BMPR2: variants seen among roughly 807,000 people sequenced by gnomAD.
BMPR2 encodes bone morphogenetic protein receptor type-2.
BMPR2 carries 29 observed loss-of-function variants against 100.8 expected under a neutral mutation model. That is an observed-to-expected ratio of 0.29 (90% confidence interval 0.21 to 0.39). The LOEUF (loss-of-function observed/expected upper bound fraction) is 0.39. BMPR2 is among the 10% of genes least tolerant of loss of function. The pLI, the probability that BMPR2 is intolerant of heterozygous loss-of-function variation, is 1.00. For missense variants in BMPR2, 1,011 were observed against 1,274.5 expected, an observed-to-expected ratio of 0.79 and a Z score of 3.15; for synonymous variants, 382 against 442.3, an observed-to-expected ratio of 0.86 and a Z score of 1.71.
chr2:202,535,245 A>C lies in BMPR2; in HGVS notation c.1276+2513A>C, dbSNP rs990850136. On this transcript the variant is annotated intron_variant, in intron 9 of 12. Transcript: ENST00000374580. ...CGGGCGGAGACACTCCTCACTTCCC[A>C]GACGGAGCGGCTGCTGGGCGGAGAG... Among the ~76,000 whole-genome samples, 10 of 150,642 alleles carry C rather than the reference A, an allele frequency of 6.6e-5. 1 individual carries two copies.
intron 3 of BMPR2, among the ~76,000 whole-genome samples, chr2:202,504,415 A>C (rs1274834393): frequency 6.6e-6 from 1 of 152,060 alleles, no homozygotes. Context: ...AAGAGCTGTA[A>C]CACTCACCGC....
At chr2:202,467,397 C>CA in intron 2 of BMPR2, 122 bp from the exon 3 acceptor site, 1 of 869,300 alleles carries the variant, frequency 1.2e-6, no homozygotes, top group Middle Eastern at 2.5e-4. Context: ...TGTTGATTTG[C>CA]AAAACTGTTT....
intron 1 of BMPR2, among the ~76,000 whole-genome samples, chr2:202,428,322 C>G (rs945900565): frequency 2.0e-5 from 3 of 152,036 alleles, no homozygotes; most frequent in Non-Finnish European, 1.5e-5. Flanking sequence ...TTCTCTCTCT[C>G]TACACACTGC....
At chr2:202,401,588 C>T (rs1278930218) in intron 1 of BMPR2, among the ~76,000 whole-genome samples, 2 of 152,110 alleles carry the variant, frequency 1.3e-5, no homozygotes, top group Admixed American at 6.6e-5. Context: ...TAGTCTTTTA[C>T]TTGGTATAAG....
chr2:202,441,717 C>CAAA lies in BMPR2; in HGVS notation c.77-23071_77-23069dup, dbSNP rs33963123. Among the ~76,000 whole-genome samples the CAAA allele has an allele frequency of 5.4e-3, 237 of 43,892 alleles. 3 individuals are homozygous for CAAA. Among genetic ancestry groups the CAAA allele is most frequent in the East Asian group, 8.3e-3 (11 of 1,330 alleles). 28.8% of individuals were successfully genotyped at this position (43,892 alleles called of 152,430 possible). On this transcript the variant is annotated intron_variant, in intron 1 of 12. Transcript: ENST00000374580. ...TGGGCGACAGAGCAAGACTCCGTCT[C>CAAA]AAAAAAAAAAAAAAAAAAAAAAATT...
intron 6 of BMPR2, 47 bp downstream of exon 6, chr2:202,519,099 T>G (rs1687774576): frequency 6.3e-7 from 1 of 1,580,272 alleles, no homozygotes; most frequent in Non-Finnish European, 8.7e-7. Flanking sequence ...TGGTGGCTTA[T>G]GCCTGTAATC....
chr2:202,493,301 T>C (rs1692946769), intron 3 of BMPR2, among the ~76,000 whole-genome samples: 1 of 151,452 alleles, frequency 6.6e-6, no homozygotes, highest in African/African-American at 2.4e-5. Flanking sequence ...CATTAAATAC[T>C]TTTTTTTTAA....
In BMPR2 at chr2:202,553,060, T is replaced by A. The variant is rs17199228; in HGVS notation, c.1586+172T>A. On this transcript the variant is annotated intron_variant, in intron 11 of 12. Coordinates refer to ENST00000374580, the MANE Select transcript of BMPR2 (RefSeq NM_001204.7). ...CTATTCTTCTATTGAACATTTTTGTTTGGTACAAGTGCAAGATGAAATCTG... is the reference window on the plus strand; with the variant it reads ...CTATTCTTCTATTGAACATTTTTGTATGGTACAAGTGCAAGATGAAATCTG... Among the ~76,000 whole-genome samples, 11,309 of 152,302 alleles carry A rather than the reference T, an allele frequency of 0.074. 525 individuals carry two copies. Among genetic ancestry groups the A allele is most frequent in the Middle Eastern group, 0.11 (31 of 294 alleles).
At chr2:202,481,853 A>C (rs1240833798) in intron 3 of BMPR2, among the ~76,000 whole-genome samples, 1 of 152,228 alleles carries the variant, frequency 6.6e-6, no homozygotes, top group African/African-American at 2.4e-5. Flanking sequence ...AAAATACACA[A>C]AATGTGAAAT....
rs1050940462 is a variant in BMPR2, at chr2:202,553,016, C to A, written c.1586+128C>A. The stretch of plus-strand genomic sequence containing the variant: ...ATTACCTCATACAATCTAAAGTTAT[C>A]ATTTTTCTTTCAATATTCCTATTCT... On this transcript the variant is annotated intron_variant, in intron 11 of 12. Coordinates refer to ENST00000374580, the MANE Select transcript of BMPR2 (RefSeq NM_001204.7). The A allele has an allele frequency of 8.1e-6, 10 of 1,234,020 alleles. No homozygotes were observed. The Admixed American group carries it at 2.1e-4, about 26-fold the overall frequency. 76.4% of individuals were successfully genotyped at this position (1,234,020 alleles called of 1,614,324 possible).
intron 1 of BMPR2, among the ~76,000 whole-genome samples, chr2:202,389,648 A>AT (rs879338693): frequency 0.042 from 6,090 of 143,944 alleles, 161 homozygotes; most frequent in Non-Finnish European, 0.064. Flanking sequence ...TTATAAATTT[A>AT]TTTTTTTTTT....
Position 202,377,373 on chromosome 2 carries a change from G to T in BMPR2, c.-102G>T. ...TCAAACTGTATTGTGATACGGGCAG[G>T]ATCAGTCCACGGGAGAGAAGACGAG... On this transcript the variant is annotated 5_prime_UTR_variant, in exon 1 of 13. Coordinates refer to ENST00000374580, the MANE Select transcript of BMPR2 (RefSeq NM_001204.7). 1 of 1,093,336 alleles carries T rather than the reference G, an allele frequency of 9.1e-7. No individual in the cohort carries two copies. The highest frequency in any genetic ancestry group is 1.2e-5 in the South Asian group (1 of 80,628). 67.7% of individuals were successfully genotyped at this position (1,093,336 alleles called of 1,614,324 possible).
chr2:202,408,332 A>G (rs1417833437), intron 1 of BMPR2, among the ~76,000 whole-genome samples: 1 of 152,166 alleles, frequency 6.6e-6, no homozygotes, highest in Non-Finnish European at 1.5e-5. Flanking sequence ...CAGAAACCAT[A>G]TGTCTGTGGT....
chr2:202,512,940 T>C (rs939784921), intron 3 of BMPR2, among the ~76,000 whole-genome samples: 5 of 151,692 alleles, frequency 3.3e-5, no homozygotes, highest in Non-Finnish European at 1.5e-5. Flanking sequence ...AGATAATATA[T>C]GCTTTTTTAA....
At chr2:202,521,259 T>C (rs896931695) in intron 7 of BMPR2, among the ~76,000 whole-genome samples, 2 of 152,336 alleles carry the variant, frequency 1.3e-5, no homozygotes, top group Middle Eastern at 3.4e-3. Flanking sequence ...AACAACCTGC[T>C]ACTTCAGTTG....
intron 7 of BMPR2, among the ~76,000 whole-genome samples, chr2:202,524,410 G>A (rs1358168898): frequency 1.3e-5 from 2 of 148,486 alleles, no homozygotes; most frequent in East Asian, 4.0e-4. Context: ...CTCATTACAC[G>A]AATAACAGGA....
chr2:202,385,228 A>G (rs1383170496), intron 1 of BMPR2, among the ~76,000 whole-genome samples: 1 of 151,486 alleles, frequency 6.6e-6, no homozygotes, highest in Admixed American at 6.6e-5. Context: ...TGTAGTAGAC[A>G]CACCAGGCTA....
At chr2:202,467,203 C>T (rs541119023) in intron 2 of BMPR2, 60 of 347,768 alleles carry the variant, frequency 1.7e-4, no homozygotes, top group Middle Eastern at 2.0e-3. Flanking sequence ...GTGGAGATTG[C>T]AGTGAGCTGA....
At chr2:202,541,708 T>C (rs867271450) in intron 9 of BMPR2, among the ~76,000 whole-genome samples, 1 of 152,212 alleles carries the variant, frequency 6.6e-6, no homozygotes, top group African/African-American at 2.4e-5. Context: ...TAGTCTTTTT[T>C]CCCTGAATTT....
Sources: allele counts gnomAD v4.1 joint callset (sites outside exome capture counted in the v4.1 genomes callset), GRCh38; gene constraint gnomAD v4.1.1; transcripts MANE v1.5; gene names NCBI Gene and HGNC (gene_info 2026-07-23, HGNC 2026-07-21).